PRKG1: variants seen among roughly 807,000 people sequenced by gnomAD.
PRKG1 encodes the protein cGMP-dependent protein kinase 1.
A neutral mutation model predicts 88.1 loss-of-function variants in PRKG1; 35 were observed. The ratio of observed to expected loss-of-function variants is 0.40; its 90% CI spans 0.30 to 0.53. The LOEUF is 0.53. PRKG1 is among the 20% of genes least tolerant of loss of function. The pLI is 0.59. For missense variants in PRKG1, 540 were observed against 839.8 expected (o/e 0.64, Z 4.41); for synonymous variants, 303 against 292.5 (o/e 1.04, Z -0.37).
intron 2 of PRKG1, among the ~76,000 whole-genome samples, chr10:51,268,593 C>T (rs1310395565): frequency 6.6e-6 from 1 of 152,164 alleles, no homozygotes; most frequent in African/African-American, 2.4e-5. Context: ...AAGGTTATCT[C>T]TCTTGTTCCC....
intron 4 of PRKG1, among the ~76,000 whole-genome samples, chr10:51,810,562 T>A (rs768730889): frequency 6.6e-6 from 1 of 152,182 alleles, no homozygotes; most frequent in Non-Finnish European, 1.5e-5. Context: ...ATTCTTTATC[T>A]CCATTACTAG....
chr10:52,224,943 A>G (rs1401317623), intron 9 of PRKG1, among the ~76,000 whole-genome samples: 1 of 151,356 alleles, frequency 6.6e-6, no homozygotes, highest in Non-Finnish European at 1.5e-5. Context: ...TGCTATAAAC[A>G]TGTGTGTGTA....
intron 1 of PRKG1, among the ~76,000 whole-genome samples, chr10:51,009,119 TA>T (rs1348008561): frequency 2.0e-5 from 3 of 152,158 alleles, no homozygotes; most frequent in Non-Finnish European, 4.4e-5. Context: ...TTCTTACCTG[TA>T]ATTTTAGAAG....
intron 5 of PRKG1, among the ~76,000 whole-genome samples, chr10:52,015,725 T>C (rs10762527): frequency 0.29 from 43,652 of 152,162 alleles, 6,419 homozygotes; most frequent in Non-Finnish European, 0.33. Context: ...TGTAAATGCA[T>C]ATGACTAAAA....
intron 2 of PRKG1, among the ~76,000 whole-genome samples, chr10:51,420,537 A>G (rs1163374943): frequency 1.3e-5 from 2 of 152,156 alleles, no homozygotes; most frequent in Non-Finnish European, 2.9e-5. Flanking sequence ...GAAAACAGCA[A>G]ATCCAGAGGT....
chr10:51,937,145 T>C (rs1248107575), intron 5 of PRKG1, among the ~76,000 whole-genome samples: 1 of 151,992 alleles, frequency 6.6e-6, no homozygotes, highest in Non-Finnish European at 1.5e-5. Flanking sequence ...CCAGACCTAA[T>C]GTCCATAATG....
chr10:52,032,230 CT>C (rs1242711454), intron 5 of PRKG1, among the ~76,000 whole-genome samples: 5 of 151,986 alleles, frequency 3.3e-5, no homozygotes, highest in Non-Finnish European at 5.9e-5. Context: ...CTAACCTGTT[CT>C]TTTTTTTCTT....
intron 2 of PRKG1, among the ~76,000 whole-genome samples, chr10:51,183,907 G>C (rs1837416230): frequency 6.6e-6 from 1 of 152,156 alleles, no homozygotes; most frequent in African/African-American, 2.4e-5. Flanking sequence ...TCCTTTGGCA[G>C]ACATAGCCAA....
intron 5 of PRKG1, among the ~76,000 whole-genome samples, chr10:52,053,467 C>T (rs1846038329): frequency 6.6e-6 from 1 of 152,112 alleles, no homozygotes. Flanking sequence ...TGCATGTAAA[C>T]CACGAATTCT....
intron 3 of PRKG1, among the ~76,000 whole-genome samples, chr10:51,488,572 T>C (rs562457863): frequency 1.1e-4 from 17 of 152,274 alleles, no homozygotes; most frequent in African/African-American, 4.1e-4. Context: ...AGATGATGTT[T>C]GTGCAGACCT....
chr10:52,215,037 C>A (rs376007556), intron 9 of PRKG1, among the ~76,000 whole-genome samples: 219 of 133,692 alleles, frequency 1.6e-3, no homozygotes, highest in African/African-American at 1.7e-3. Flanking sequence ...AAAGTTTTTT[C>A]AAAAAAAAAA....
intron 2 of PRKG1, among the ~76,000 whole-genome samples, chr10:51,435,806 A>T (rs538842424): frequency 6.6e-6 from 1 of 152,098 alleles, no homozygotes; most frequent in South Asian, 2.1e-4. Context: ...GCTATGGTAG[A>T]TTAGGTGCCA....
At chr10:51,788,193 CTG>C (rs1442565051) in intron 3 of PRKG1, among the ~76,000 whole-genome samples, 161 of 152,280 alleles carry the variant, frequency 1.1e-3, no homozygotes, top group Non-Finnish European at 3.7e-4. Flanking sequence ...ACAGATTCCA[CTG>C]TGTCTTTCAC....
At chr10:51,858,546 A>G (rs1840779272) in intron 4 of PRKG1, among the ~76,000 whole-genome samples, 1 of 143,482 alleles carries the variant, frequency 7.0e-6, no homozygotes, top group African/African-American at 2.6e-5. Flanking sequence ...AGGCATGAAC[A>G]TATTGCAGAT....
At chr10:51,192,824 G>T (rs913231873) in intron 2 of PRKG1, among the ~76,000 whole-genome samples, 2 of 151,870 alleles carry the variant, frequency 1.3e-5, no homozygotes, top group Non-Finnish European at 2.9e-5. Context: ...CACGTAGAAT[G>T]GCCATTCATA....
At chr10:51,996,144 C>T (rs543996202) in intron 5 of PRKG1, among the ~76,000 whole-genome samples, 23 of 151,512 alleles carry the variant, frequency 1.5e-4, no homozygotes, top group African/African-American at 5.6e-4. Context: ...AACACCGTCT[C>T]TACTAAAAAA....
At chr10:51,221,828 G>A (rs1309234704) in intron 2 of PRKG1, among the ~76,000 whole-genome samples, 2 of 150,936 alleles carry the variant, frequency 1.3e-5, no homozygotes, top group African/African-American at 4.9e-5. Context: ...TAAAAGAGGA[G>A]CATTTTTCTT....
chr10:52,241,698 A>G (rs1840867695), intron 9 of PRKG1, among the ~76,000 whole-genome samples: 2 of 152,202 alleles, frequency 1.3e-5, no homozygotes, highest in South Asian at 2.1e-4. Context: ...TCTTATAAAC[A>G]TGAGAGAACA....
chr10:51,592,493 A>G (rs980420165), intron 3 of PRKG1, among the ~76,000 whole-genome samples: 2 of 152,144 alleles, frequency 1.3e-5, no homozygotes, highest in Non-Finnish European at 2.9e-5. Context: ...TCAGACTCCC[A>G]CAATCAATAC....
Sources: allele counts gnomAD v4.1 joint callset (sites outside exome capture counted in the v4.1 genomes callset), GRCh38; gene constraint gnomAD v4.1.1; transcripts MANE v1.5; gene names NCBI Gene and HGNC (gene_info 2026-07-23, HGNC 2026-07-21).